ATOSA: variants seen among roughly 807,000 people sequenced by gnomAD.
The protein encoded by ATOSA is atos homolog protein A.
At chr15:52,634,662 C>T in the ATOSA span, among the ~76,000 whole-genome samples, 13 of 148,394 alleles carry the variant, frequency 8.8e-5, no homozygotes, top group Admixed American at 2.7e-4. Flanking sequence ...AGTGCAGTGG[C>T]GCGATCTCGG....
chr15:52,614,717 G>A, the ATOSA span, among the ~76,000 whole-genome samples: 1 of 151,690 alleles, frequency 6.6e-6, no homozygotes, highest in African/African-American at 2.4e-5. Context: ...GTGTGGTGGC[G>A]CATGTCTGTA....
At chr15:52,615,255 T>C in the ATOSA span, among the ~76,000 whole-genome samples, 1 of 152,236 alleles carries the variant, frequency 6.6e-6, no homozygotes, top group Non-Finnish European at 1.5e-5. Flanking sequence ...GTTATGGTAA[T>C]TTAAATATTT....
At chr15:52,584,805 A>C in the ATOSA span, 11 of 1,613,620 alleles carry the variant, frequency 6.8e-6, no homozygotes, top group Non-Finnish European at 9.3e-6. Flanking sequence ...CTCTTTATTA[A>C]CACTTCTCTT....
At chr15:52,651,777 C>A in the ATOSA span, 1 of 1,215,794 alleles carries the variant, frequency 8.2e-7, no homozygotes, top group Non-Finnish European at 1.1e-6. Context: ...TATTAAAAAT[C>A]CATGCAAAGC....
At chr15:52,611,880 A>G in the ATOSA span, 1 of 1,052,860 alleles carries the variant, frequency 9.5e-7, no homozygotes, top group Non-Finnish European at 1.4e-6. Context: ...GTGAGAAATG[A>G]GTCAGCTATT....
At chr15:52,622,954 C>A in the ATOSA span, among the ~76,000 whole-genome samples, 1 of 144,152 alleles carries the variant, frequency 6.9e-6, no homozygotes, top group African/African-American at 2.6e-5. Context: ...GAGACACTGT[C>A]CCTATTATAA....
At chr15:52,706,620 C>T in the ATOSA span, among the ~76,000 whole-genome samples, 933 of 152,210 alleles carry the variant, frequency 6.1e-3, 10 homozygotes, top group African/African-American at 0.022. Flanking sequence ...GCTTGAAAGA[C>T]CCAAATCCGG....
the ATOSA span, among the ~76,000 whole-genome samples, chr15:52,644,315 ACAAT>A: frequency 5.3e-5 from 8 of 152,204 alleles, no homozygotes; most frequent in Non-Finnish European, 1.2e-4. Context: ...AGGGTAAGAA[ACAAT>A]CAGATGATCT....
chr15:52,609,844 C>A, the ATOSA span: 1 of 1,613,866 alleles, frequency 6.2e-7, no homozygotes, highest in Non-Finnish European at 8.5e-7. Flanking sequence ...GTTAGTCTCA[C>A]CAGCTGACTG....
At chr15:52,650,933 T>C in the ATOSA span, among the ~76,000 whole-genome samples, 1 of 152,226 alleles carries the variant, frequency 6.6e-6, no homozygotes, top group South Asian at 2.1e-4. Flanking sequence ...TTTCACAGTA[T>C]TTGAGAAAGA....
At chr15:52,624,720 G>A in the ATOSA span, among the ~76,000 whole-genome samples, 1 of 151,626 alleles carries the variant, frequency 6.6e-6, no homozygotes. Context: ...CACAATCACT[G>A]AAATATTTTT....
the ATOSA span, among the ~76,000 whole-genome samples, chr15:52,603,537 T>A: frequency 1.3e-5 from 2 of 152,326 alleles, no homozygotes; most frequent in Admixed American, 1.3e-4. Context: ...TGCACTCCAA[T>A]GTTTAGTGCA....
the ATOSA span, chr15:52,613,987 G>A: frequency 3.6e-6 from 3 of 825,750 alleles, no homozygotes; most frequent in East Asian, 2.7e-5. Flanking sequence ...TAATAAAAAT[G>A]AGAATCAAAA....
the ATOSA span, among the ~76,000 whole-genome samples, chr15:52,594,468 T>C: frequency 6.6e-6 from 1 of 152,184 alleles, no homozygotes; most frequent in East Asian, 1.9e-4. Context: ...TATGTATACA[T>C]CATGAAATGT....
At chr15:52,582,675 G>A in the ATOSA span, among the ~76,000 whole-genome samples, 1 of 152,072 alleles carries the variant, frequency 6.6e-6, no homozygotes, top group Non-Finnish European at 1.5e-5. Context: ...CATTACATTT[G>A]GGCTCTGTAG....
At chr15:52,631,009 T>C in the ATOSA span, among the ~76,000 whole-genome samples, 1 of 152,158 alleles carries the variant, frequency 6.6e-6, no homozygotes, top group African/African-American at 2.4e-5. Flanking sequence ...AGTGGATATT[T>C]TGGGGATGTA....
At chr15:52,591,374 G>A in the ATOSA span, among the ~76,000 whole-genome samples, 5 of 152,284 alleles carry the variant, frequency 3.3e-5, no homozygotes, top group South Asian at 1.0e-3. Context: ...GGGATTACAG[G>A]CGTGTGCCAC....
At chr15:52,687,485 A>T in the ATOSA span, among the ~76,000 whole-genome samples, 2 of 152,374 alleles carry the variant, frequency 1.3e-5, no homozygotes, top group African/African-American at 4.8e-5. Context: ...ACGTGGCACA[A>T]AGAAGGAAAA....
At chr15:52,656,685 A>T in the ATOSA span, 5 of 152,212 alleles carry the variant, frequency 3.3e-5, no homozygotes, top group South Asian at 1.0e-3. Flanking sequence ...AATGGGGGTT[A>T]TTTATAAGCT....
Sources: allele counts gnomAD v4.1 joint callset (sites outside exome capture counted in the v4.1 genomes callset), GRCh38; gene constraint gnomAD v4.1.1; transcripts MANE v1.5; gene names NCBI Gene and HGNC (gene_info 2026-07-23, HGNC 2026-07-21).